Variants in AHCYL2 observed in about 807,000 individuals in gnomAD.
AHCYL2 encodes the protein S-adenosylhomocysteine hydrolase-like protein 2.
AHCYL2 carries 28 observed loss-of-function variants against 81.4 expected under a neutral mutation model. The observed-to-expected ratio is 0.34, with a 90% CI of 0.25 to 0.47. AHCYL2 has a LOEUF of 0.47. Among genes scored for constraint, AHCYL2 ranks in the 20% least tolerant of loss-of-function variants. AHCYL2 has a pLI of 1.00. For synonymous variants in AHCYL2, 272 were observed against 290.2 expected (o/e 0.94, Z 0.64); for missense variants, 551 against 785.1 (o/e 0.70, Z 3.56).
rs982014153 is a variant in AHCYL2, at chr7:129,419,298, G to T, written c.1462-3542G>T. On this transcript the variant is annotated intron_variant, in intron 12 of 16. Transcript: ENST00000325006. The surrounding 1 kb of genome is among the most constrained non-coding windows in gnomAD (Gnocchi z 4.7). The stretch of plus-strand genomic sequence containing the variant: ...CAGCCAGGTGTGGTGGCTCACGCCT[G>T]TAATCCCAGCACTTTGGGAGGCTGA... Among the ~76,000 whole-genome samples the T allele has an allele frequency of 3.3e-5, 5 of 152,228 alleles. No homozygotes were observed. The highest frequency in any genetic ancestry group is 5.9e-5 in the Non-Finnish European group (4 of 68,044).
chr7:129,361,809 GA>G (rs1305024217), intron 1 of AHCYL2, among the ~76,000 whole-genome samples: 6 of 151,230 alleles, frequency 4.0e-5, no homozygotes, highest in Non-Finnish European at 7.4e-5. Context: ...TTTTTTTTAA[GA>G]GATGGGGTTT....
At chr7:129,231,816 G>A (rs1794452142) in intron 1 of AHCYL2, among the ~76,000 whole-genome samples, 1 of 152,176 alleles carries the variant, frequency 6.6e-6, no homozygotes, top group African/African-American at 2.4e-5. Flanking sequence ...AAATTACTTT[G>A]ATTAAATTAG....
At chr7:129,268,881 A>AT (rs1024388261) in intron 1 of AHCYL2, among the ~76,000 whole-genome samples, 17 of 151,904 alleles carry the variant, frequency 1.1e-4, no homozygotes, top group Non-Finnish European at 2.2e-4. Context: ...TCAGTGAGTG[A>AT]TTTTTTTTCA....
At chr7:129,304,566 T>C (rs1023493422) in intron 1 of AHCYL2, among the ~76,000 whole-genome samples, 3 of 152,238 alleles carry the variant, frequency 2.0e-5, no homozygotes, top group Admixed American at 6.5e-5. Flanking sequence ...TGCTCCAGTG[T>C]TGGGTACATA....
intron 1 of AHCYL2, among the ~76,000 whole-genome samples, chr7:129,279,930 C>T (rs1038827393): frequency 7.9e-5 from 12 of 152,092 alleles, no homozygotes; most frequent in Non-Finnish European, 1.2e-4. Context: ...GCTTCTTTAC[C>T]GCATCCTGTT....
chr7:129,262,136 A>G (rs964827632), intron 1 of AHCYL2, among the ~76,000 whole-genome samples: 1 of 152,184 alleles, frequency 6.6e-6, no homozygotes, highest in African/African-American at 2.4e-5. Context: ...TATAAATAAG[A>G]TATGGTCTCT....
chr7:129,290,136 T>C (rs1796784252), intron 1 of AHCYL2, among the ~76,000 whole-genome samples: 1 of 152,216 alleles, frequency 6.6e-6, no homozygotes, highest in Non-Finnish European at 1.5e-5. Flanking sequence ...GACATCTTTC[T>C]GTCCATGGTG....
intron 1 of AHCYL2, among the ~76,000 whole-genome samples, chr7:129,295,699 C>T (rs1269588604): frequency 6.6e-6 from 1 of 152,166 alleles, no homozygotes; most frequent in Non-Finnish European, 1.5e-5. Flanking sequence ...TATTGTCTTA[C>T]AGTGAAGGCC....
At chr7:129,326,905 C>A (rs1241186762) in intron 1 of AHCYL2, among the ~76,000 whole-genome samples, 2 of 152,128 alleles carry the variant, frequency 1.3e-5, no homozygotes, top group Non-Finnish European at 2.9e-5. Flanking sequence ...GGACTTTATT[C>A]TAAGTGCCAT....
At chr7:129,347,404 C>T (rs970098062) in intron 1 of AHCYL2, among the ~76,000 whole-genome samples, 1 of 152,128 alleles carries the variant, frequency 6.6e-6, no homozygotes, top group African/African-American at 2.4e-5. Context: ...TATATGGGAA[C>T]TCTCTTTCTC....
intron 1 of AHCYL2, among the ~76,000 whole-genome samples, chr7:129,274,065 G>A (rs1032605263): frequency 6.6e-6 from 1 of 152,188 alleles, no homozygotes; most frequent in Non-Finnish European, 1.5e-5. Context: ...TTCTCAAGGT[G>A]TAGGACTTGG....
chr7:129,321,765 G>GTTTTTTTTTTTTTTTTTTTTTTTTT (rs1798035846), intron 1 of AHCYL2, among the ~76,000 whole-genome samples: 1 of 47,634 alleles, frequency 2.1e-5, no homozygotes, highest in Non-Finnish European at 4.5e-5. Context: ...TTTTTTTTTT[G>GTTTTTTTTTTTTTTTTTTTTTTTTT]GTCTTGGTTT....
intron 1 of AHCYL2, among the ~76,000 whole-genome samples, chr7:129,253,088 A>G (rs927661945): frequency 4.6e-5 from 7 of 151,904 alleles, no homozygotes; most frequent in Admixed American, 6.6e-5. Flanking sequence ...GGCGCCTGTA[A>G]TCCAAGCTAC....
intron 1 of AHCYL2, among the ~76,000 whole-genome samples, chr7:129,270,984 C>G (rs967554613): frequency 6.6e-6 from 1 of 152,114 alleles, no homozygotes; most frequent in African/African-American, 2.4e-5. Context: ...CCTACGGCAT[C>G]AGGCTGAAGC....
chr7:129,287,631 C>G (rs891551135), intron 1 of AHCYL2, among the ~76,000 whole-genome samples: 1 of 152,152 alleles, frequency 6.6e-6, no homozygotes, highest in Non-Finnish European at 1.5e-5. Flanking sequence ...TAAAAATGAC[C>G]TTTAAAGATA....
intron 1 of AHCYL2, among the ~76,000 whole-genome samples, chr7:129,263,321 T>C (rs1426527834): frequency 6.6e-6 from 1 of 152,220 alleles, no homozygotes; most frequent in Non-Finnish European, 1.5e-5. Flanking sequence ...TCTGAAAGTT[T>C]CTGTTCAGAA....
intron 12 of AHCYL2, among the ~76,000 whole-genome samples, chr7:129,422,089 C>T (rs770333237): frequency 6.6e-6 from 1 of 152,166 alleles, no homozygotes; most frequent in Admixed American, 6.5e-5. Context: ...GTCTACACCC[C>T]GTGGCTGTTA....
chr7:129,271,283 C>T (rs1477988602), intron 1 of AHCYL2, among the ~76,000 whole-genome samples: 1 of 148,722 alleles, frequency 6.7e-6, no homozygotes, highest in African/African-American at 2.5e-5. Flanking sequence ...ATGGCGTGAA[C>T]CCGAGAGGTG....
intron 1 of AHCYL2, among the ~76,000 whole-genome samples, chr7:129,307,115 G>A (rs1446669671): frequency 6.6e-6 from 1 of 152,154 alleles, no homozygotes; most frequent in Non-Finnish European, 1.5e-5. Flanking sequence ...TGCTGCGTAT[G>A]TTCACTCAAG....
Sources: allele counts gnomAD v4.1 joint callset (sites outside exome capture counted in the v4.1 genomes callset), GRCh38; gene constraint gnomAD v4.1.1; non-coding constraint Gnocchi (gnomAD v3.1); transcripts MANE v1.5; gene names NCBI Gene and HGNC (gene_info 2026-07-23, HGNC 2026-07-21).